The following PDCD11 variants were observed in gnomAD, a reference collection of about 807,000 sequenced individuals.
The protein encoded by PDCD11 is programmed cell death 11, also known as protein RRP5 homolog.
In PDCD11, 97 loss-of-function variants were observed where a neutral mutation model predicts 198.9. The ratio of observed to expected loss-of-function variants is 0.49; its 90% confidence interval spans 0.41 to 0.58. The LOEUF (loss-of-function observed/expected upper bound fraction) is 0.58, where lower values mean the gene tolerates loss of function less well. Among genes scored for constraint, PDCD11 ranks in the 20% least tolerant of loss-of-function variants. The probability of loss-of-function intolerance (pLI) is 0.00; values close to 1 mark genes in which losing one functional copy is unlikely to be tolerated. For synonymous variants in PDCD11, 893 were observed against 918.0 expected (o/e 0.97, Z 0.49); for missense variants, 2,102 against 2,312.7 (o/e 0.91, Z 1.87).
chr10:103,434,568 A>G, intron 24 of PDCD11: 1 of 589,544 alleles, frequency 1.7e-6, no homozygotes, highest in Non-Finnish European at 3.0e-6. Flanking sequence ...GGTTACCCTT[A>G]CCTACACAGG....
In PDCD11 at chr10:103,439,884, TTCTC is replaced by T. The variant is rs374419650; in HGVS notation, c.4148+26_4148+29del. 1.8e-5 allele frequency: 29 copies of T among 1,609,278 alleles called. No individual in the cohort carries two copies. Among genetic ancestry groups the T allele is most frequent in the East Asian group, 4.5e-5 (2 of 44,740 alleles). ...GGGTCCTACGGTAGGTGCCTTCCCG[TTCTC>T]TCTCTCTCTGTAATGTGAATCAAAC... is the stretch of plus-strand genomic sequence containing the variant. On this transcript the variant is annotated intron_variant, in intron 28 of 35. Transcript: ENST00000369797.
At chr10:103,444,152 G>A in intron 34 of PDCD11, 84 bp downstream of exon 34, 2 of 1,229,324 alleles carry the variant, frequency 1.6e-6, no homozygotes, top group Non-Finnish European at 2.3e-6. Flanking sequence ...CTTCTTCTAA[G>A]TCAGGAGAGC....
Position 103,418,537 on chromosome 10 carries a change from C to T in PDCD11, c.2009C>T (p.Ser670Leu), listed in dbSNP as rs138971174. The T allele has an allele frequency of 2.6e-5, 42 of 1,613,988 alleles. No homozygotes were observed. The highest frequency in any genetic ancestry group is 3.2e-5 in the Non-Finnish European group (38 of 1,179,980). ...GCTTTCCTCCCCACATCTCATCTGTCGGACCACGTTGCCAACGGCCCATTG... is the reference window on the plus strand; with the variant it reads ...GCTTTCCTCCCCACATCTCATCTGTTGGACCACGTTGCCAACGGCCCATTG... Reference protein sequence around the residue: ...IRAFLPTSHLSDHVANGPLLH... With the variant: ...IRAFLPTSHLLDHVANGPLLH... The change falls in exon 15 of 36, where the codon TCG becomes TTG. Residue 670 changes from serine to leucine, a missense_variant. Coordinates refer to ENST00000369797, the MANE Select transcript of PDCD11 (RefSeq NM_014976.2).
At chr10:103,427,260 A>T in intron 20 of PDCD11, 69 bp from the exon 21 acceptor site, 9 of 1,400,152 alleles carry the variant, frequency 6.4e-6, no homozygotes, top group Non-Finnish European at 9.1e-6. Flanking sequence ...GAGTAGGGAG[A>T]AATCCTGACC....
chr10:103,425,054 T>G lies in PDCD11; in HGVS notation c.2834T>G (p.Val945Gly). The change falls in exon 20 of 36, where the codon GTA becomes GGA. Residue 945 changes from valine to glycine, a missense_variant. Coordinates refer to ENST00000369797, the MANE Select transcript of PDCD11 (RefSeq NM_014976.2). ...LEKSFAIASLVETGHLAAFSL... is the reference protein window; with the variant it reads ...LEKSFAIASLGETGHLAAFSL... ...AAGTCCTTTGCCATTGCCTCCTTGG[T>G]AGAGACGGGCCACCTGGCAGCTTTC... 1 of 1,614,270 alleles carries G rather than the reference T, an allele frequency of 6.2e-7. No homozygotes were observed. Among genetic ancestry groups the G allele is most frequent in the Non-Finnish European group, 8.5e-7 (1 of 1,180,044 alleles).
intron 21 of PDCD11, among the ~76,000 whole-genome samples, chr10:103,430,418 T>A (rs2031878902): frequency 6.6e-6 from 1 of 152,242 alleles, no homozygotes; most frequent in Non-Finnish European, 1.5e-5. Flanking sequence ...TAGTGCTGCA[T>A]TGAACATGAG....
chr10:103,426,609 A>G (rs1255189582), intron 20 of PDCD11, among the ~76,000 whole-genome samples: 1 of 152,140 alleles, frequency 6.6e-6, no homozygotes, highest in Non-Finnish European at 1.5e-5. Flanking sequence ...AGCCTGGCCA[A>G]CATGGTGAAA....
chr10:103,418,672 G>A (rs755535787), intron 15 of PDCD11, 38 bp downstream of exon 15: 8 of 1,539,682 alleles, frequency 5.2e-6, no homozygotes, highest in Non-Finnish European at 7.1e-6. Context: ...GAGGAAGGTG[G>A]GGGGCCATGG....
chr10:103,419,778 G>A, intron 16 of PDCD11, 70 bp downstream of exon 16: 2 of 1,389,876 alleles, frequency 1.4e-6, no homozygotes, highest in Non-Finnish European at 1.0e-6. Context: ...GGCGGGTAGG[G>A]AGGAGTAGGA....
chr10:103,443,252 T>C lies in PDCD11; in HGVS notation c.5043T>C (p.Phe1681=). 5 of 1,613,142 alleles carry C rather than the reference T, an allele frequency of 3.1e-6. No homozygotes were observed. The highest frequency in any genetic ancestry group is 4.2e-6 in the Non-Finnish European group (5 of 1,179,210). Residue 1681 remains phenylalanine (F), a synonymous_variant, in exon 33 of 36, where the codon TTT becomes TTC. Transcript: ENST00000369797. ...CTCAGGAGTCCCTGACCAAGGTCTT[T>C]GAGCGAGCCGTGCAGTACAACGAGC... The part of the protein sequence containing the change: ...YGSQESLTKV[F]ERAVQYNEPL...
Position 103,440,866 on chromosome 10 carries a change from C to A in PDCD11, c.4557+16C>A. 6.4e-7 allele frequency: 1 copy of A among 1,565,484 alleles called. No individual in the cohort carries two copies. The highest frequency in any genetic ancestry group is 8.7e-7 in the Non-Finnish European group (1 of 1,143,790). On this transcript the variant is annotated intron_variant, in intron 30 of 35. Transcript: ENST00000369797. ...GCTGCCCAAGGTGAGGGTGACGTCG[C>A]GGGGAGGGGAAGGCTGCTCCAGGCA...
chr10:103,414,233 C>T (rs774930414), intron 10 of PDCD11, 37 bp from the exon 11 acceptor site: 1 of 1,600,484 alleles, frequency 6.2e-7, no homozygotes, highest in South Asian at 1.1e-5. Context: ...AACCTCTGCC[C>T]TAGTTTATTT....
intron 3 of PDCD11, among the ~76,000 whole-genome samples, chr10:103,400,974 C>T (rs910058235): frequency 3.3e-5 from 5 of 151,998 alleles, no homozygotes; most frequent in African/African-American, 4.8e-5. Flanking sequence ...AGGTTGGTCT[C>T]GAACTCCTGT....
chr10:103,408,326 C>T (rs994411108), intron 7 of PDCD11, among the ~76,000 whole-genome samples: 2 of 151,934 alleles, frequency 1.3e-5, no homozygotes, highest in African/African-American at 4.8e-5. Context: ...TCTTTGGTCC[C>T]ATGTATTCTT....
chr10:103,410,794 G>C (rs2030754996), intron 8 of PDCD11, among the ~76,000 whole-genome samples: 1 of 151,524 alleles, frequency 6.6e-6, no homozygotes, highest in African/African-American at 2.4e-5. Context: ...ATTTTTTTTA[G>C]GCCAGGTGTG....
intron 13 of PDCD11, 43 bp from the exon 14 acceptor site, chr10:103,417,749 C>T: frequency 6.2e-7 from 1 of 1,603,280 alleles, no homozygotes; most frequent in Non-Finnish European, 8.5e-7. Context: ...GCCTGCAAGG[C>T]TTGCTGGGAG....
At chr10:103,414,421 G>A in intron 11 of PDCD11, 91 bp downstream of exon 11, 1 of 840,698 alleles carries the variant, frequency 1.2e-6, no homozygotes, top group Admixed American at 2.2e-5. Context: ...TAGTCCTCAT[G>A]TTAACACATT....
At chr10:103,400,677 G>A in intron 3 of PDCD11, 149 bp downstream of exon 3, 1 of 736,110 alleles carries the variant, frequency 1.4e-6, no homozygotes, top group Non-Finnish European at 2.2e-6. Flanking sequence ...AGAGATGCTT[G>A]GAATTTATGC....
At chr10:103,426,010 G>A (rs2031679870) in intron 20 of PDCD11, among the ~76,000 whole-genome samples, 1 of 152,144 alleles carries the variant, frequency 6.6e-6, no homozygotes, top group Non-Finnish European at 1.5e-5. Context: ...TAAGAACATG[G>A]GTTTGGAGTC....
Sources: allele counts gnomAD v4.1 joint callset (sites outside exome capture counted in the v4.1 genomes callset), GRCh38; gene constraint gnomAD v4.1.1; transcripts MANE v1.5; gene names NCBI Gene and HGNC (gene_info 2026-07-23, HGNC 2026-07-21).